CACNA2D1: variants seen among roughly 807,000 people sequenced by gnomAD.
CACNA2D1 encodes the protein calcium voltage-gated channel auxiliary subunit alpha2delta 1, also known as voltage-dependent calcium channel subunit alpha-2/delta-1.
CACNA2D1 carries 53 observed loss-of-function variants against 171.5 expected under a neutral mutation model. The observed-to-expected ratio is 0.31, with a 90% CI of 0.25 to 0.39. The LOEUF is 0.39. CACNA2D1 is among the 10% of genes least tolerant of loss of function. The pLI is 1.00. For synonymous variants in CACNA2D1, 442 were observed against 443.1 expected, an observed-to-expected ratio of 1.00 and a Z score of 0.03; for missense variants, 903 against 1,299.8, an observed-to-expected ratio of 0.69 and a Z score of 4.69.
chr7:82,291,523 T>A (rs1321059450), intron 3 of CACNA2D1, among the ~76,000 whole-genome samples: 1 of 138,188 alleles, frequency 7.2e-6, no homozygotes, highest in Non-Finnish European at 1.5e-5. Flanking sequence ...TATATATAGA[T>A]AGATCTATAT....
chr7:82,287,447 G>A (rs900819573), intron 3 of CACNA2D1, among the ~76,000 whole-genome samples: 4 of 152,014 alleles, frequency 2.6e-5, no homozygotes, highest in Non-Finnish European at 5.9e-5. Context: ...CCTCCCACAT[G>A]CACCCCAATG....
chr7:82,083,497 A>C (rs1012921892), intron 7 of CACNA2D1, among the ~76,000 whole-genome samples: 2 of 152,006 alleles, frequency 1.3e-5, no homozygotes, highest in Admixed American at 1.3e-4. Flanking sequence ...CATGTTAATA[A>C]ACTAACAAGA....
chr7:82,207,235 C>T (rs1348109887), intron 3 of CACNA2D1, among the ~76,000 whole-genome samples: 1 of 152,184 alleles, frequency 6.6e-6, no homozygotes, highest in Non-Finnish European at 1.5e-5. Flanking sequence ...CACATGATCG[C>T]TCCCAGGTCT....
intron 3 of CACNA2D1, among the ~76,000 whole-genome samples, chr7:82,201,329 A>C (rs571781797): frequency 6.6e-6 from 1 of 152,322 alleles, no homozygotes; most frequent in East Asian, 1.9e-4. Context: ...GATGTATCAC[A>C]TATAATCTGC....
At chr7:82,050,273 G>T (rs1010584573) in intron 10 of CACNA2D1, 1 of 290,670 alleles carries the variant, frequency 3.4e-6, no homozygotes, top group Non-Finnish European at 6.5e-6. Context: ...TATAGCAGTT[G>T]TAAGCTAACA....
rs1796555763 is a variant in CACNA2D1 at position 81,982,635 on chromosome 7, GATA to G, written c.1895-11_1895-9del. ...GCTTCAGGGTTTCCGAATCTGCAAAGATAATGTTACAGGATTAGATAGGTAATT... is the reference window on the plus strand; with the variant it reads ...GCTTCAGGGTTTCCGAATCTGCAAAGATGTTACAGGATTAGATAGGTAATT... On this transcript the variant is annotated splice_polypyrimidine_tract_variant and intron_variant, in intron 23 of 38. Coordinates refer to ENST00000356860, the MANE Select transcript of CACNA2D1 (RefSeq NM_000722.4). The G allele has an allele frequency of 6.4e-7, 1 of 1,563,012 alleles. No individual in the cohort carries two copies. The highest frequency in any genetic ancestry group is 8.8e-7 in the Non-Finnish European group (1 of 1,134,042).
intron 6 of CACNA2D1, among the ~76,000 whole-genome samples, chr7:82,085,296 C>T (rs185594407): frequency 2.6e-5 from 4 of 152,162 alleles, no homozygotes; most frequent in East Asian, 1.9e-4. Context: ...TTGTGACATG[C>T]GAAAATGTCT....
At chr7:81,999,986 C>T (rs1798421644) in intron 18 of CACNA2D1, among the ~76,000 whole-genome samples, 1 of 152,120 alleles carries the variant, frequency 6.6e-6, no homozygotes, top group South Asian at 2.1e-4. Flanking sequence ...AGAGGCCGGG[C>T]ACAGTGGCTC....
chr7:82,354,485 G>T (rs974370570), intron 1 of CACNA2D1, among the ~76,000 whole-genome samples: 1 of 152,126 alleles, frequency 6.6e-6, no homozygotes, highest in Non-Finnish European at 1.5e-5. Flanking sequence ...TCTGGAAAAT[G>T]GAAAGAGAAT....
At chr7:82,156,720 G>T in intron 4 of CACNA2D1, among the ~76,000 whole-genome samples, 1 of 151,470 alleles carries the variant, frequency 6.6e-6, no homozygotes. Flanking sequence ...CTTTTTCTTT[G>T]TGAACAAGTA....
chr7:82,032,073 G>C (rs943438737), intron 12 of CACNA2D1, among the ~76,000 whole-genome samples: 2 of 151,912 alleles, frequency 1.3e-5, no homozygotes, highest in Non-Finnish European at 2.9e-5. Context: ...GAAATAAGCT[G>C]ATAATAGGAC....
intron 3 of CACNA2D1, among the ~76,000 whole-genome samples, chr7:82,305,679 T>A (rs1297735264): frequency 6.6e-6 from 1 of 152,232 alleles, no homozygotes; most frequent in Non-Finnish European, 1.5e-5. Context: ...CCTTGAGTTT[T>A]CATATTTTCT....
chr7:82,372,650 G>C (rs1280740572), intron 1 of CACNA2D1, among the ~76,000 whole-genome samples: 1 of 151,934 alleles, frequency 6.6e-6, no homozygotes, highest in Non-Finnish European at 1.5e-5. Flanking sequence ...AGACATAAAA[G>C]AGAATAATTT....
chr7:81,997,527 T>C (rs1385576641), intron 18 of CACNA2D1, among the ~76,000 whole-genome samples: 1 of 151,726 alleles, frequency 6.6e-6, no homozygotes, highest in Non-Finnish European at 1.5e-5. Context: ...ACAAGCTCTT[T>C]GGGCACATCA....
chr7:82,355,326 T>C (rs1429625223), intron 1 of CACNA2D1, among the ~76,000 whole-genome samples: 2 of 152,186 alleles, frequency 1.3e-5, no homozygotes, highest in African/African-American at 4.8e-5. Context: ...CCTTGACTAA[T>C]AGGTACATTG....
chr7:81,952,328 T>C (rs1320684800), intron 38 of CACNA2D1, among the ~76,000 whole-genome samples: 2 of 152,088 alleles, frequency 1.3e-5, no homozygotes, highest in Non-Finnish European at 2.9e-5. Flanking sequence ...TTGGCTCTTT[T>C]TGTTCACCAG....
chr7:82,005,802 GAC>G lies in CACNA2D1; in HGVS notation c.1476_1477del (p.Ser493PhefsTer5). On this transcript the variant is annotated frameshift_variant, in exon 17 of 39. Coordinates refer to ENST00000356860, the MANE Select transcript of CACNA2D1 (RefSeq NM_000722.4). LOFTEE classifies it high-confidence loss of function. ...TGTCAGTCTTTTAATATCTTCCAAA[GAC>G]ACATCTACTCCCATCACACCAAGAA... 6.2e-7 allele frequency: 1 copy of G among 1,609,360 alleles called. No homozygotes were observed.
chr7:82,414,528 T>C (rs1827984212), intron 1 of CACNA2D1, among the ~76,000 whole-genome samples: 4 of 152,188 alleles, frequency 2.6e-5, no homozygotes, highest in African/African-American at 9.7e-5. Context: ...ATCTATTGCA[T>C]ACTAATTTGT....
At chr7:81,974,261 TTAAC>T (rs1795597697) in intron 25 of CACNA2D1, among the ~76,000 whole-genome samples, 190 bp downstream of exon 25, 1 of 152,066 alleles carries the variant, frequency 6.6e-6, no homozygotes, top group South Asian at 2.1e-4. Context: ...AAAATTTGAT[TTAAC>T]TAAATAATGA....
Sources: allele counts gnomAD v4.1 joint callset (sites outside exome capture counted in the v4.1 genomes callset), GRCh38; gene constraint gnomAD v4.1.1; transcripts MANE v1.5; gene names NCBI Gene and HGNC (gene_info 2026-07-23, HGNC 2026-07-21).